Variants in COL5A1 observed in about 807,000 individuals in gnomAD.
COL5A1 encodes the protein collagen type V alpha 1 chain.
A neutral mutation model predicts 263.7 loss-of-function variants in COL5A1; 16 were observed. The ratio of observed to expected loss-of-function variants is 0.06; its 90% CI spans 0.04 to 0.09. COL5A1 has a LOEUF of 0.09. Ranked by LOEUF, COL5A1 falls within the 10% of genes least tolerant of loss-of-function variation. COL5A1 has a pLI of 1.00. For missense variants in COL5A1, 2,036 were observed against 2,540.5 expected (o/e 0.80, Z 4.27); for synonymous variants, 1,012 against 1,004.5 (o/e 1.01, Z -0.14).
At chr9:134,809,629 C>T (rs1295821837) in intron 43 of COL5A1, among the ~76,000 whole-genome samples, 2 of 152,220 alleles carry the variant, frequency 1.3e-5, no homozygotes, top group African/African-American at 2.4e-5. Context: ...CTGCGGAGCC[C>T]GGTTTAATGA....
chr9:134,808,858 A>G (rs919481088), intron 42 of COL5A1: 15 of 424,090 alleles, frequency 3.5e-5, no homozygotes, highest in Non-Finnish European at 6.6e-5. Context: ...CAATCCACAT[A>G]CAGGCTCAAG....
intron 2 of COL5A1, among the ~76,000 whole-genome samples, chr9:134,694,873 C>A (rs1177627260): frequency 6.6e-6 from 1 of 152,164 alleles, no homozygotes; most frequent in Non-Finnish European, 1.5e-5. Context: ...CTGAAGGCAG[C>A]GGGCCTGGCT....
intron 29 of COL5A1, among the ~76,000 whole-genome samples, chr9:134,784,083 G>A (rs1471326979): frequency 1.3e-5 from 2 of 152,122 alleles, no homozygotes; most frequent in African/African-American, 4.8e-5. Context: ...CCCCATATGC[G>A]GACCTCTTCA....
chr9:134,831,686 T>C (rs1839635781), intron 64 of COL5A1, among the ~76,000 whole-genome samples: 1 of 152,212 alleles, frequency 6.6e-6, no homozygotes, highest in South Asian at 2.1e-4. Flanking sequence ...ATGACAGCTC[T>C]CAGCCTCCAA....
At chr9:134,747,678 T>C (rs569205884) in intron 11 of COL5A1, among the ~76,000 whole-genome samples, 33 of 144,430 alleles carry the variant, frequency 2.3e-4, no homozygotes, top group Middle Eastern at 4.4e-3. Flanking sequence ...CATGTATTCA[T>C]ACACACATGC....
Position 134,765,544 on chromosome 9 carries a change from C to T in COL5A1, c.2035-137C>T, listed in dbSNP as rs1564445065. 5 of 747,228 alleles carry T rather than the reference C, an allele frequency of 6.7e-6. No individual in the cohort carries two copies. Among genetic ancestry groups the T allele is most frequent in the Non-Finnish European group, 9.5e-6 (4 of 421,294 alleles). 46.3% of individuals were successfully genotyped at this position (747,228 alleles called of 1,614,324 possible). A position where few individuals can be genotyped will look rare whatever the true frequency, so the allele number is the denominator to read the frequency against. On this transcript the variant is annotated intron_variant, in intron 20 of 65. Transcript: ENST00000371817. The surrounding 1 kb of genome is among the most constrained non-coding windows in gnomAD (Gnocchi z 5.1). ...GCAGGCTGGGAGGGAGTCTGGGCCT[C>T]ACTCCTGGGAGGCCAGGAGGCCTGA...
intron 63 of COL5A1, among the ~76,000 whole-genome samples, chr9:134,826,497 G>A (rs1839267710): frequency 6.6e-6 from 1 of 152,190 alleles, no homozygotes; most frequent in African/African-American, 2.4e-5. Flanking sequence ...AGGAGTTTGT[G>A]TGCATGTGGA....
Position 134,818,221 on chromosome 9 carries a change from G to A in COL5A1, c.4230+390G>A, listed in dbSNP as rs943426807. 8.5e-5 allele frequency among the ~76,000 whole-genome samples: 13 copies of A among 152,204 alleles called. No homozygotes were observed. The highest frequency in any genetic ancestry group is 2.4e-4 in the African/African-American group (10 of 41,466). ...GGTGACCGTGTCTGCTGCGGGGCCC[G>A]TGCAGAAGATGGGACGCCGTCACCC... On this transcript the variant is annotated intron_variant, in intron 54 of 65. Coordinates refer to ENST00000371817, the MANE Select transcript of COL5A1 (RefSeq NM_000093.5). The surrounding 1 kb of genome is among the most constrained non-coding windows in gnomAD (Gnocchi z 6.0).
At chr9:134,671,365 A>C (rs1029251389) in intron 1 of COL5A1, among the ~76,000 whole-genome samples, 1 of 152,210 alleles carries the variant, frequency 6.6e-6, no homozygotes, top group Admixed American at 6.5e-5. Context: ...GATCTCGCAC[A>C]GTACAGTTAT....
intron 35 of COL5A1, among the ~76,000 whole-genome samples, 154 bp downstream of exon 35, chr9:134,796,572 C>T (rs1837917104): frequency 1.3e-5 from 2 of 152,182 alleles, no homozygotes; most frequent in South Asian, 4.1e-4. Flanking sequence ...GTGGGTCACG[C>T]CCTGGGAGTG....
chr9:134,764,621 C>T (rs1429856195), intron 20 of COL5A1, among the ~76,000 whole-genome samples: 3 of 152,126 alleles, frequency 2.0e-5, no homozygotes, highest in South Asian at 2.1e-4. Context: ...TAAAGCATCT[C>T]TTTTCTCGTA....
At chr9:134,801,052 A>G (rs1838094565) in intron 37 of COL5A1, among the ~76,000 whole-genome samples, 1 of 152,208 alleles carries the variant, frequency 6.6e-6, no homozygotes, top group Admixed American at 6.5e-5. Flanking sequence ...AAAGAAGCTT[A>G]TGTTGCCTTA....
rs1833469757 is a variant in COL5A1 at position 134,696,377 on chromosome 9, A to T, written c.278-3532A>T. Among the ~76,000 whole-genome samples the T allele has an allele frequency of 6.6e-6, 1 of 151,966 alleles. No homozygotes were observed. The highest frequency in any genetic ancestry group is 2.4e-5 in the African/African-American group (1 of 41,374). ...TTTTTGGCAGAGACAGGGATTCACC[A>T]TGTTGGCCAGGCTGGTGTGGAACTC... On this transcript the variant is annotated intron_variant, in intron 2 of 65. Transcript: ENST00000371817. The surrounding 1 kb of genome is among the most constrained non-coding windows in gnomAD (Gnocchi z 4.3).
chr9:134,727,197 C>A, intron 4 of COL5A1, 69 bp from the exon 5 acceptor site: 1 of 1,536,744 alleles, frequency 6.5e-7, no homozygotes, highest in Non-Finnish European at 9.0e-7. Context: ...AGGCATGGGG[C>A]TGTGTCTCCC....
At chr9:134,780,212 C>T in intron 28 of COL5A1, 66 bp downstream of exon 28, 2 of 1,492,236 alleles carry the variant, frequency 1.3e-6, no homozygotes, top group Non-Finnish European at 1.9e-6. Flanking sequence ...GCCAGCGGGG[C>T]CCTCCCACAA....
At chr9:134,766,602 TGAAGG>T in intron 22 of COL5A1, 104 bp downstream of exon 22, 1 of 1,228,326 alleles carries the variant, frequency 8.1e-7, no homozygotes, top group Non-Finnish European at 1.2e-6. Flanking sequence ...GCTGGGAACA[TGAAGG>T]GCAGGTTGCA....
intron 59 of COL5A1, among the ~76,000 whole-genome samples, chr9:134,822,435 G>A (rs535779630): frequency 6.0e-4 from 91 of 152,288 alleles, no homozygotes; most frequent in Non-Finnish European, 9.4e-4. Context: ...TGGGGAGGGT[G>A]CGGAAGGTAG....
chr9:134,834,417 C>T (rs1037446701), intron 64 of COL5A1, among the ~76,000 whole-genome samples: 30 of 152,304 alleles, frequency 2.0e-4, no homozygotes, highest in African/African-American at 6.0e-4. Flanking sequence ...TGTGGGTGGA[C>T]GTGCAGGGAG....
chr9:134,720,221 G>C (rs112288194), intron 4 of COL5A1, among the ~76,000 whole-genome samples: 4,149 of 152,240 alleles, frequency 0.027, 74 homozygotes, highest in Non-Finnish European at 0.037. Context: ...TTGGCTGTGC[G>C]TGCGCGTTGT....
Sources: allele counts gnomAD v4.1 joint callset (sites outside exome capture counted in the v4.1 genomes callset), GRCh38; gene constraint gnomAD v4.1.1; non-coding constraint Gnocchi (gnomAD v3.1); transcripts MANE v1.5; gene names NCBI Gene and HGNC (gene_info 2026-07-23, HGNC 2026-07-21).